Variants in TRMT11 observed in about 807,000 individuals in gnomAD.
TRMT11 encodes tRNA methyltransferase 11.
A neutral mutation model predicts 62.8 loss-of-function variants in TRMT11; 53 were observed. The observed-to-expected ratio is 0.84, with a 90% CI of 0.68 to 1.06. TRMT11 has a LOEUF of 1.06. Ranked by LOEUF, TRMT11 falls within the 50% of genes least tolerant of loss-of-function variation. The pLI is 0.00. For missense variants in TRMT11, 556 were observed against 553.4 expected (o/e 1.00, Z -0.05); for synonymous variants, 188 against 190.3 (o/e 0.99, Z 0.10).
At chr6:126,136,607 C>T (rs1777852901) in intron 21 of TRMT11, among the ~76,000 whole-genome samples, 1 of 151,708 alleles carries the variant, frequency 6.6e-6, no homozygotes, top group Non-Finnish European at 1.5e-5. Flanking sequence ...ACACCAGTGA[C>T]ATTCTTCACA....
chr6:126,234,132 T>A, the TRMT11 span, among the ~76,000 whole-genome samples: 36 of 152,260 alleles, frequency 2.4e-4, no homozygotes, highest in South Asian at 7.0e-3. Context: ...GTTTGTATAA[T>A]TTGAGGACAA....
intron 1 of TRMT11, among the ~76,000 whole-genome samples, chr6:126,197,768 C>G (rs897545957): frequency 1.3e-5 from 2 of 152,086 alleles, no homozygotes; most frequent in Non-Finnish European, 2.9e-5. Context: ...CTTATTTTGG[C>G]TTTGTTCCTT....
the TRMT11 span, among the ~76,000 whole-genome samples, chr6:126,240,946 T>C: frequency 1.3e-5 from 2 of 152,208 alleles, no homozygotes; most frequent in Admixed American, 1.3e-4. Context: ...TGCCTTGCAG[T>C]TTGATCTCAG....
chr6:126,223,822 A>G, the TRMT11 span, among the ~76,000 whole-genome samples: 1 of 152,118 alleles, frequency 6.6e-6, no homozygotes, highest in African/African-American at 2.4e-5. Context: ...TTTTTACATA[A>G]TCCCATATTT....
chr6:126,234,180 G>A, the TRMT11 span, among the ~76,000 whole-genome samples: 10 of 152,156 alleles, frequency 6.6e-5, no homozygotes, highest in South Asian at 2.1e-4. Flanking sequence ...GTCATCTACC[G>A]ATTTGCCTTG....
chr6:126,266,067 C>A, the TRMT11 span, among the ~76,000 whole-genome samples: 2 of 152,016 alleles, frequency 1.3e-5, no homozygotes, highest in African/African-American at 4.8e-5. Context: ...CAAAATCTTA[C>A]CCTTGAAAAT....
At chr6:126,095,097 G>C (rs1777325898) in intron 17 of TRMT11, among the ~76,000 whole-genome samples, 1 of 152,116 alleles carries the variant, frequency 6.6e-6, no homozygotes, top group African/African-American at 2.4e-5. Flanking sequence ...ATTAGGTCTG[G>C]CGCTGACCTT....
At chr6:126,176,418 A>T (rs1778385707), upstream of TRMT11, among the ~76,000 whole-genome samples, 1 of 140,172 alleles carries the variant, frequency 7.1e-6, no homozygotes, top group Non-Finnish European at 1.5e-5. Flanking sequence ...AAATAACTAT[A>T]GTCAGCTCTG....
intron 21 of TRMT11, among the ~76,000 whole-genome samples, chr6:126,160,951 A>G (rs1778183212): frequency 6.6e-6 from 1 of 152,198 alleles, no homozygotes; most frequent in African/African-American, 2.4e-5. Context: ...GTTTAGAAAT[A>G]AAAGTACAGA....
At chr6:126,251,086 A>T in the TRMT11 span, among the ~76,000 whole-genome samples, 2 of 149,068 alleles carry the variant, frequency 1.3e-5, no homozygotes, top group Admixed American at 1.3e-4. Context: ...GCTGGAGTGC[A>T]GTGGCACAAT....
At chr6:126,184,482 AT>A (rs1562343365) in intron 1 of TRMT11, among the ~76,000 whole-genome samples, 1 of 152,176 alleles carries the variant, frequency 6.6e-6, no homozygotes, top group Non-Finnish European at 1.5e-5. Flanking sequence ...TAATACTTCA[AT>A]TATTGTTATT....
chr6:126,095,903 A>G (rs1009444250), intron 17 of TRMT11, among the ~76,000 whole-genome samples: 3 of 152,164 alleles, frequency 2.0e-5, no homozygotes, highest in Admixed American at 6.5e-5. Flanking sequence ...AGCATAGCTT[A>G]TTGAGAAAGA....
the TRMT11 span, among the ~76,000 whole-genome samples, chr6:126,224,159 G>C: frequency 6.6e-6 from 1 of 152,130 alleles, no homozygotes; most frequent in African/African-American, 2.4e-5. Context: ...AGTCATTTCA[G>C]CCTGGTTAAG....
At chr6:126,117,086 A>G (rs939108163) in intron 21 of TRMT11, among the ~76,000 whole-genome samples, 1 of 152,072 alleles carries the variant, frequency 6.6e-6, no homozygotes, top group Non-Finnish European at 1.5e-5. Flanking sequence ...TGGGCCAAAC[A>G]ATAACAAAGG....
intron 1 of TRMT11, among the ~76,000 whole-genome samples, chr6:125,991,641 T>C (rs1562232661): frequency 6.6e-6 from 1 of 152,106 alleles, no homozygotes; most frequent in South Asian, 2.1e-4. Context: ...TAGAATCTCT[T>C]CTGGGAAAGG....
At chr6:126,255,289 C>G in the TRMT11 span, among the ~76,000 whole-genome samples, 2 of 152,324 alleles carry the variant, frequency 1.3e-5, no homozygotes, top group African/African-American at 2.4e-5. Context: ...ATCACAGGCT[C>G]TCTTTAGCAC....
At chr6:126,140,307 A>T (rs183141791) in intron 21 of TRMT11, among the ~76,000 whole-genome samples, 2 of 152,072 alleles carry the variant, frequency 1.3e-5, no homozygotes, top group Admixed American at 1.3e-4. Context: ...ATATATCTTC[A>T]TTTATAAAAG....
chr6:126,089,629 C>T (rs542987967), intron 17 of TRMT11, among the ~76,000 whole-genome samples: 3 of 152,242 alleles, frequency 2.0e-5, no homozygotes, highest in Non-Finnish European at 4.4e-5. Flanking sequence ...TCTGCCACCT[C>T]GTCCTGCTGA....
chr6:126,029,121 A>T (rs1311143250), intron 12 of TRMT11, among the ~76,000 whole-genome samples: 1 of 151,794 alleles, frequency 6.6e-6, no homozygotes, highest in Admixed American at 6.6e-5. Context: ...ATACTTTTGT[A>T]TTTTTCTTAT....
Sources: allele counts gnomAD v4.1 joint callset (sites outside exome capture counted in the v4.1 genomes callset), GRCh38; gene constraint gnomAD v4.1.1; transcripts MANE v1.5; gene names NCBI Gene and HGNC (gene_info 2026-07-23, HGNC 2026-07-21).